SLC16A12: variants seen among roughly 807,000 people sequenced by gnomAD.
SLC16A12 encodes the protein solute carrier family 16 member 12, also known as monocarboxylate transporter 12.
Under a neutral mutation model 42.4 loss-of-function variants are expected in SLC16A12, and 17 were observed. That is an observed-to-expected ratio of 0.40 (90% CI 0.27 to 0.60). The LOEUF (loss-of-function observed/expected upper bound fraction) is 0.60. Among genes scored for constraint, SLC16A12 ranks in the 20% least tolerant of loss-of-function variants. SLC16A12 has a pLI of 0.42. For synonymous variants in SLC16A12, 224 were observed against 229.4 expected (o/e 0.98, Z 0.21); for missense variants, 544 against 623.0 (o/e 0.87, Z 1.35).
In SLC16A12 at chr10:89,433,275, C is replaced by A; in HGVS notation, c.1340G>T (p.Gly447Val). The A allele has an allele frequency of 1.2e-6, 2 of 1,614,194 alleles. No individual in the cohort carries two copies. Among genetic ancestry groups the A allele is most frequent in the Non-Finnish European group, 1.7e-6 (2 of 1,180,034 alleles). ...GSYTAAFLLC[G>V]FSMIFSSVLL... ...CACAGAACTAAATATCATTGAAAAT[C>A]CACAGAGGAGGAATGCTGCAGTGTA... Residue 447 changes from glycine (G) to valine (V), a missense_variant, in exon 8 of 8, where the codon GGA becomes GTA. Coordinates refer to ENST00000371790, the MANE Select transcript of SLC16A12 (RefSeq NM_213606.4).
intron 2 of SLC16A12, among the ~76,000 whole-genome samples, chr10:89,526,242 A>C (rs979826514): frequency 6.6e-6 from 1 of 152,206 alleles, no homozygotes; most frequent in Non-Finnish European, 1.5e-5. Flanking sequence ...TTCATTAACC[A>C]AAATGCACAT....
intron 2 of SLC16A12, among the ~76,000 whole-genome samples, chr10:89,467,393 G>C (rs1287324530): frequency 6.6e-6 from 1 of 152,160 alleles, no homozygotes; most frequent in Non-Finnish European, 1.5e-5. Flanking sequence ...AACAATGTAA[G>C]AGAAGCCACT....
chr10:89,533,076 A>T (rs564130245), intron 2 of SLC16A12, among the ~76,000 whole-genome samples: 26 of 152,346 alleles, frequency 1.7e-4, no homozygotes, highest in African/African-American at 6.3e-4. Context: ...AAATGTGGGA[A>T]CTGCAATTCA....
At chr10:89,555,534 C>CGTAT (rs1250869602) in intron 2 of SLC16A12, among the ~76,000 whole-genome samples, 1 of 121,280 alleles carries the variant, frequency 8.2e-6, no homozygotes, top group East Asian at 2.4e-4. Context: ...TGTATATATA[C>CGTAT]GTATGTATGT....
At chr10:89,442,264 C>T (rs1449602581) in intron 4 of SLC16A12, among the ~76,000 whole-genome samples, 1 of 152,310 alleles carries the variant, frequency 6.6e-6, no homozygotes, top group Non-Finnish European at 1.5e-5. Flanking sequence ...CATCCATACT[C>T]TGAACTTTAA....
upstream of SLC16A12, among the ~76,000 whole-genome samples, chr10:89,539,857 T>TTTTCTC (rs1843700781): frequency 7.8e-6 from 1 of 127,858 alleles, no homozygotes; most frequent in South Asian, 2.8e-4. Context: ...AGAAACAAAT[T>TTTTCTC]TTTCTTTCTT....
chr10:89,437,413 G>A (rs1016278478), intron 6 of SLC16A12, among the ~76,000 whole-genome samples: 6 of 152,196 alleles, frequency 3.9e-5, no homozygotes, highest in Non-Finnish European at 7.4e-5. Flanking sequence ...AGGTCAACAG[G>A]CAAATATTGC....
intron 2 of SLC16A12, among the ~76,000 whole-genome samples, chr10:89,555,259 C>G (rs1843802557): frequency 6.6e-6 from 1 of 151,522 alleles, no homozygotes; most frequent in Non-Finnish European, 1.5e-5. Flanking sequence ...CCTCCTGCTA[C>G]TCAACCTGTT....
At chr10:89,491,249 A>G (rs1397244319) in intron 2 of SLC16A12, among the ~76,000 whole-genome samples, 1 of 152,166 alleles carries the variant, frequency 6.6e-6, no homozygotes, top group East Asian at 1.9e-4. Flanking sequence ...TGGTTTTCTA[A>G]CAGTAAAGGT....
chr10:89,469,921 G>C (rs1421509758), intron 2 of SLC16A12, among the ~76,000 whole-genome samples: 10 of 152,196 alleles, frequency 6.6e-5, no homozygotes, highest in African/African-American at 2.4e-4. Flanking sequence ...TTTCAAGGTA[G>C]AGACAATTCC....
At chr10:89,527,746 A>G (rs940297697) in intron 2 of SLC16A12, among the ~76,000 whole-genome samples, 7 of 151,786 alleles carry the variant, frequency 4.6e-5, no homozygotes, top group African/African-American at 1.7e-4. Flanking sequence ...CAAGGCTGCA[A>G]TGAACCATCA....
Position 89,545,027 on chromosome 10 carries a change from C to T in SLC16A12, c.-47+10855G>A, listed in dbSNP as rs1005008123. 4.6e-5 allele frequency among the ~76,000 whole-genome samples: 7 copies of T among 152,164 alleles called. No homozygotes were observed. The East Asian group carries it at 1.3e-3, about 29-fold the overall frequency. ...GTCTAGACCTTAAGGGGTTATACCTCCATCTGGCTCTCTCTCAAATCCTGC... is the reference window on the plus strand; with the variant it reads ...GTCTAGACCTTAAGGGGTTATACCTTCATCTGGCTCTCTCTCAAATCCTGC... On this transcript the variant is annotated intron_variant, in intron 2 of 2. Coordinates refer to the SLC16A12 transcript ENST00000475682.
intron 3 of SLC16A12, among the ~76,000 whole-genome samples, chr10:89,445,748 T>G (rs575895574): frequency 2.0e-5 from 3 of 152,266 alleles, no homozygotes; most frequent in East Asian, 3.9e-4. Flanking sequence ...GCTGGACGGA[T>G]AATGACTTTG....
chr10:89,457,074 C>T (rs1842205760), intron 3 of SLC16A12, among the ~76,000 whole-genome samples: 1 of 151,692 alleles, frequency 6.6e-6, no homozygotes, highest in South Asian at 2.1e-4. Flanking sequence ...GGGTATATAC[C>T]CCGTAATGGG....
chr10:89,502,292 T>TA (rs1843000739), intron 2 of SLC16A12, among the ~76,000 whole-genome samples: 1 of 151,332 alleles, frequency 6.6e-6, no homozygotes, highest in African/African-American at 2.4e-5. Flanking sequence ...CTACTAAAAA[T>TA]AAAAAAAATT....
intron 2 of SLC16A12, among the ~76,000 whole-genome samples, chr10:89,525,199 C>G (rs1019127432): frequency 8.1e-6 from 1 of 123,186 alleles, no homozygotes; most frequent in Admixed American, 1.1e-4. Context: ...CCAGCCTGGA[C>G]GACAGAACGA....
intron 3 of SLC16A12, among the ~76,000 whole-genome samples, chr10:89,447,444 T>C (rs1842023609): frequency 1.3e-5 from 2 of 152,146 alleles, no homozygotes; most frequent in Admixed American, 6.5e-5. Flanking sequence ...GAACTCAGGA[T>C]TAAGAAACTC....
At chr10:89,469,429 C>T (rs181152538) in intron 2 of SLC16A12, among the ~76,000 whole-genome samples, 4 of 152,296 alleles carry the variant, frequency 2.6e-5, no homozygotes, top group Admixed American at 2.6e-4. Context: ...TGTGGGGCAA[C>T]TCTTTTATGT....
At chr10:89,452,356 CAT>C (rs1338552577) in intron 3 of SLC16A12, among the ~76,000 whole-genome samples, 3 of 152,112 alleles carry the variant, frequency 2.0e-5, no homozygotes, top group Non-Finnish European at 4.4e-5. Flanking sequence ...TCAGTGATTC[CAT>C]ATATGAGTTC....
Sources: gnomAD v4.1 joint callset for allele counts (sites outside exome capture counted in the v4.1 genomes callset) on GRCh38, gnomAD v4.1.1 for gene constraint, MANE v1.5 for transcripts, NCBI Gene and HGNC (gene_info 2026-07-23, HGNC 2026-07-21) for gene names.